RORA: variants seen among roughly 807,000 people sequenced by gnomAD.
RORA encodes the protein nuclear receptor ROR-alpha.
Under a neutral mutation model 69.5 loss-of-function variants are expected in RORA, and 7 were observed. The ratio of observed to expected loss-of-function variants is 0.10; its 90% CI spans 0.06 to 0.19. The LOEUF (loss-of-function observed/expected upper bound fraction) is 0.19, where lower values mean the gene tolerates loss of function less well. RORA is among the 10% of genes least tolerant of loss of function. RORA has a pLI of 1.00. For synonymous variants in RORA, 261 were observed against 240.8 expected (o/e 1.08, Z -0.78); for missense variants, 457 against 663.0 (o/e 0.69, Z 3.41).
At position 61,128,829 on chromosome 15, in the gene RORA, T is replaced by C. The variant is rs1422976148; in HGVS notation, c.166+100224A>G. ...AGAGTCAAGTGCTAAGCAAAGTCAA[T>C]CAGCACACGATGGCCCCAGGAATGA... On this transcript the variant is annotated intron_variant, in intron 1 of 10. Coordinates refer to ENST00000335670, the MANE Select transcript of RORA (RefSeq NM_134261.3). This position sits in a 1 kb window ranked among gnomAD's most constrained non-coding sequence, Gnocchi z 4.5. 6.6e-6 allele frequency among the ~76,000 whole-genome samples: 1 copy of C among 152,044 alleles called. No individual in the cohort carries two copies. The highest frequency in any genetic ancestry group is 6.5e-5 in the Admixed American group (1 of 15,272).
intron 2 of RORA, among the ~76,000 whole-genome samples, chr15:60,562,260 G>A (rs1012233144): frequency 2.6e-5 from 4 of 151,952 alleles, no homozygotes; most frequent in African/African-American, 7.2e-5. Context: ...TGTTGAGACA[G>A]AGTCTGACTC....
At chr15:60,618,807 T>A (rs1286067191) in intron 2 of RORA, among the ~76,000 whole-genome samples, 1 of 152,216 alleles carries the variant, frequency 6.6e-6, no homozygotes, top group Non-Finnish European at 1.5e-5. Flanking sequence ...TCTTTGTAAC[T>A]TTTCCTGCCT....
At chr15:60,895,684 G>C (rs1160301256) in intron 1 of RORA, among the ~76,000 whole-genome samples, 1 of 152,160 alleles carries the variant, frequency 6.6e-6, no homozygotes, top group Non-Finnish European at 1.5e-5. Context: ...TCAGTGGCTG[G>C]AAATAACTCT....
intron 2 of RORA, among the ~76,000 whole-genome samples, chr15:60,580,218 T>A (rs1210095277): frequency 2.0e-5 from 3 of 152,210 alleles, no homozygotes; most frequent in Non-Finnish European, 4.4e-5. Flanking sequence ...GTTAGAGAAC[T>A]GAAGCATAGA....
chr15:60,739,554 C>A (rs1031757158), intron 1 of RORA, among the ~76,000 whole-genome samples: 28 of 151,664 alleles, frequency 1.8e-4, no homozygotes, highest in African/African-American at 6.8e-4. Context: ...CTGGGTAACA[C>A]AGCAAGACCT....
chr15:61,144,656 G>A (rs528982002), intron 1 of RORA, among the ~76,000 whole-genome samples: 2 of 152,344 alleles, frequency 1.3e-5, no homozygotes, highest in South Asian at 4.1e-4. Flanking sequence ...GTTGGCAACA[G>A]AGTTGTTAAT....
At chr15:61,084,291 G>A (rs2078589536) in intron 1 of RORA, among the ~76,000 whole-genome samples, 1 of 152,186 alleles carries the variant, frequency 6.6e-6, no homozygotes. Context: ...AAGTCCATCT[G>A]CCTGGACATT....
chr15:61,109,068 C>T (rs181989792), intron 1 of RORA, among the ~76,000 whole-genome samples: 256 of 152,182 alleles, frequency 1.7e-3, no homozygotes, highest in Non-Finnish European at 2.9e-3. Context: ...TGGTGGTGCA[C>T]GCCTGTAATC....
intron 1 of RORA, among the ~76,000 whole-genome samples, chr15:61,133,929 A>T (rs186340151): frequency 1.3e-5 from 2 of 152,328 alleles, no homozygotes; most frequent in African/African-American, 4.8e-5. Flanking sequence ...AAGGCTCATG[A>T]ACATCTTGCC....
At chr15:61,048,653 T>A (rs1379285477) in intron 1 of RORA, among the ~76,000 whole-genome samples, 1 of 152,180 alleles carries the variant, frequency 6.6e-6, no homozygotes, top group Admixed American at 6.5e-5. Flanking sequence ...AGAAATGTCA[T>A]AAGCTCAGGA....
At chr15:60,843,488 T>C (rs2073226752) in intron 1 of RORA, among the ~76,000 whole-genome samples, 1 of 152,198 alleles carries the variant, frequency 6.6e-6, no homozygotes. Flanking sequence ...TCCCTCTCCC[T>C]GTGATGTGGC....
intron 1 of RORA, among the ~76,000 whole-genome samples, chr15:61,032,551 A>T (rs976300901): frequency 4.6e-5 from 7 of 152,346 alleles, no homozygotes; most frequent in African/African-American, 1.7e-4. Flanking sequence ...CATGACAATC[A>T]TATGGAGTGT....
intron 1 of RORA, among the ~76,000 whole-genome samples, chr15:61,110,627 T>A (rs548586777): frequency 1.3e-4 from 20 of 152,290 alleles, no homozygotes; most frequent in African/African-American, 4.6e-4. Flanking sequence ...CAATGCCTGT[T>A]ATTGCCCTTG....
chr15:61,124,450 A>T (rs1207050526), intron 1 of RORA, among the ~76,000 whole-genome samples: 1 of 152,094 alleles, frequency 6.6e-6, no homozygotes, highest in Non-Finnish European at 1.5e-5. Context: ...CAGAGTGTGG[A>T]GTCTCACAAG....
chr15:60,904,787 G>A (rs1186477763), intron 1 of RORA, among the ~76,000 whole-genome samples: 1 of 152,140 alleles, frequency 6.6e-6, no homozygotes, highest in Non-Finnish European at 1.5e-5. Flanking sequence ...ATGAACGACG[G>A]AAGAAGGCTG....
At chr15:61,141,133 A>T (rs964380526) in intron 1 of RORA, among the ~76,000 whole-genome samples, 1 of 152,202 alleles carries the variant, frequency 6.6e-6, no homozygotes, top group Non-Finnish European at 1.5e-5. Context: ...TTCTGTCTAC[A>T]TTTCAAAACA....
intron 2 of RORA, among the ~76,000 whole-genome samples, chr15:60,675,123 C>A (rs950502070): frequency 2.0e-5 from 3 of 152,148 alleles, no homozygotes; most frequent in African/African-American, 7.2e-5. Context: ...CCTCTTGTAA[C>A]GTTGTAGCAA....
intron 1 of RORA, among the ~76,000 whole-genome samples, chr15:60,714,585 G>C (rs981215245): frequency 7.1e-5 from 10 of 141,446 alleles, no homozygotes; most frequent in East Asian, 4.2e-4. Flanking sequence ...GGCTGGTCTC[G>C]AACTCCTGAC....
intron 2 of RORA, among the ~76,000 whole-genome samples, chr15:60,548,916 C>T (rs1385331675): frequency 2.0e-5 from 3 of 152,128 alleles, no homozygotes; most frequent in South Asian, 2.1e-4. Context: ...TGAGCCACCG[C>T]GCCTGGCCAA....
Sources: gnomAD v4.1 joint callset for allele counts (sites outside exome capture counted in the v4.1 genomes callset) on GRCh38, gnomAD v4.1.1 for gene constraint, Gnocchi (gnomAD v3.1) non-coding constraint, MANE v1.5 for transcripts, NCBI Gene and HGNC (gene_info 2026-07-23, HGNC 2026-07-21) for gene names.